RAD51B: variants seen among roughly 807,000 people sequenced by gnomAD.
RAD51B encodes the protein DNA repair protein RAD51 homolog 2.
In RAD51B, 38 loss-of-function variants were observed where a neutral mutation model predicts 42.2. The observed-to-expected ratio is 0.90, with a 90% CI of 0.70 to 1.18. RAD51B has a LOEUF of 1.18. Among genes scored for constraint, RAD51B ranks in the 50% most tolerant of loss-of-function variants. The pLI is 0.00. For synonymous variants in RAD51B, 154 were observed against 145.2 expected (o/e 1.06, Z -0.43); for missense variants, 373 against 400.7 (o/e 0.93, Z 0.59).
At chr14:68,544,171 C>T (rs1888106057) in intron 10 of RAD51B, among the ~76,000 whole-genome samples, 2 of 152,174 alleles carry the variant, frequency 1.3e-5, no homozygotes, top group Admixed American at 1.3e-4. Context: ...GAGATTTACA[C>T]CAAGCCTGCA....
intron 5 of RAD51B, among the ~76,000 whole-genome samples, chr14:67,884,010 A>T (rs2042993369): frequency 6.6e-6 from 1 of 152,244 alleles, no homozygotes; most frequent in African/African-American, 2.4e-5. Flanking sequence ...CTAAACAAAA[A>T]AGATCTTTGC....
At chr14:68,087,693 C>T (rs571662185) in intron 7 of RAD51B, among the ~76,000 whole-genome samples, 61 of 150,652 alleles carry the variant, frequency 4.0e-4, no homozygotes, top group African/African-American at 1.4e-3. Context: ...CCTGGTAATG[C>T]CTAATGTGCA....
rs754711267 is a variant in RAD51B, at chr14:68,468,346, C to G, written c.1036+96C>G. 2.3e-6 allele frequency: 3 copies of G among 1,325,486 alleles called. No individual in the cohort carries two copies. In the African/African-American group the frequency reaches 4.4e-5, roughly 19 times the overall value. The allele number at this position is 1,325,486 out of a possible 1,614,324, so 82.1% of individuals were successfully genotyped here. Reference sequence around the variant, plus strand: ...GCTATGGTTCTGATAGAAGCTAGCTCCAGACAGAATCAAAAACCAAGATGC... The same window carrying G: ...GCTATGGTTCTGATAGAAGCTAGCTGCAGACAGAATCAAAAACCAAGATGC... On this transcript the variant is annotated intron_variant, in intron 10 of 10. Coordinates refer to ENST00000471583, the MANE Select transcript of RAD51B (RefSeq NM_133510.4).
intron 7 of RAD51B, among the ~76,000 whole-genome samples, chr14:68,240,016 G>A (rs1226818962): frequency 6.6e-6 from 1 of 152,194 alleles, no homozygotes; most frequent in Non-Finnish European, 1.5e-5. Context: ...ATCCACGAAG[G>A]CATCAGAGCT....
chr14:68,075,516 A>G (rs1000044922), intron 7 of RAD51B, among the ~76,000 whole-genome samples: 3 of 152,038 alleles, frequency 2.0e-5, no homozygotes, highest in Admixed American at 6.5e-5. Context: ...CAAGGAAGAG[A>G]GACTGGGCTC....
intron 8 of RAD51B, among the ~76,000 whole-genome samples, chr14:68,313,264 C>G (rs2139734991): frequency 6.6e-6 from 1 of 152,218 alleles, no homozygotes; most frequent in Non-Finnish European, 1.5e-5. Context: ...TAACTTGGGC[C>G]CCAAAGAGGG....
At chr14:68,153,343 G>A (rs1853408243) in intron 7 of RAD51B, among the ~76,000 whole-genome samples, 1 of 152,118 alleles carries the variant, frequency 6.6e-6, no homozygotes, top group Non-Finnish European at 1.5e-5. Context: ...ATCCTTTCCA[G>A]TGATCTTTCC....
intron 8 of RAD51B, among the ~76,000 whole-genome samples, chr14:68,380,429 C>T (rs1422183595): frequency 6.6e-6 from 1 of 152,208 alleles, no homozygotes; most frequent in Non-Finnish European, 1.5e-5. Flanking sequence ...AGTGCCCCAG[C>T]AGGCCCCAGA....
At chr14:68,653,677 A>C (rs779002773) in intron 11 of RAD51B, among the ~76,000 whole-genome samples, 1 of 152,226 alleles carries the variant, frequency 6.6e-6, no homozygotes, top group Non-Finnish European at 1.5e-5. Context: ...CCAATTTGAG[A>C]ACCACTGGTC....
chr14:68,582,696 A>T (rs925983830), intron 10 of RAD51B, among the ~76,000 whole-genome samples: 16 of 152,228 alleles, frequency 1.1e-4, no homozygotes, highest in Non-Finnish European at 1.3e-4. Flanking sequence ...ATAAAGACAC[A>T]TGCACACGTA....
At chr14:68,513,448 G>T (rs187229864) in intron 10 of RAD51B, among the ~76,000 whole-genome samples, 1 of 152,358 alleles carries the variant, frequency 6.6e-6, no homozygotes, top group Non-Finnish European at 1.5e-5. Flanking sequence ...ATGGGCCATG[G>T]TGGGCTCTGG....
chr14:68,294,714 C>T (rs2081580457), intron 8 of RAD51B, among the ~76,000 whole-genome samples: 1 of 152,194 alleles, frequency 6.6e-6, no homozygotes, highest in Non-Finnish European at 1.5e-5. Context: ...TTAATTCTGA[C>T]TTACAGAGTA....
chr14:68,506,137 G>A (rs1434429051), intron 10 of RAD51B, among the ~76,000 whole-genome samples: 1 of 152,164 alleles, frequency 6.6e-6, no homozygotes, highest in Non-Finnish European at 1.5e-5. Context: ...TAGAACAGTT[G>A]TAGTAATAAG....
intron 7 of RAD51B, among the ~76,000 whole-genome samples, chr14:68,233,653 A>AAGC (rs1350528174): frequency 4.6e-5 from 7 of 152,218 alleles, no homozygotes; most frequent in African/African-American, 1.7e-4. Flanking sequence ...GGAAACACAG[A>AAGC]AGCAGCAGCA....
At chr14:68,114,237 C>A (rs976254802) in intron 7 of RAD51B, 1 of 152,058 alleles carries the variant, frequency 6.6e-6, no homozygotes, top group Non-Finnish European at 1.5e-5. Flanking sequence ...AACCCTTCAG[C>A]CTCACTGAAC....
At chr14:67,827,496 CG>C (rs1401172877) in intron 3 of RAD51B, among the ~76,000 whole-genome samples, 2 of 151,740 alleles carry the variant, frequency 1.3e-5, no homozygotes, top group African/African-American at 2.4e-5. Context: ...TTGTAAGTTC[CG>C]GGGTACATGT....
intron 7 of RAD51B, among the ~76,000 whole-genome samples, chr14:68,178,908 A>C (rs1194901543): frequency 6.6e-6 from 1 of 152,130 alleles, no homozygotes; most frequent in Non-Finnish European, 1.5e-5. Flanking sequence ...CTGAAGACAG[A>C]ATCCTTTTTT....
At chr14:67,912,572 G>A (rs1483234091) in intron 7 of RAD51B, among the ~76,000 whole-genome samples, 4 of 152,136 alleles carry the variant, frequency 2.6e-5, no homozygotes, top group Non-Finnish European at 5.9e-5. Flanking sequence ...AATGCAAAAT[G>A]TAGTAAAAAT....
At chr14:68,577,519 A>T (rs1402477191) in intron 10 of RAD51B, among the ~76,000 whole-genome samples, 1 of 149,838 alleles carries the variant, frequency 6.7e-6, no homozygotes, top group Non-Finnish European at 1.5e-5. Flanking sequence ...AAAAAAAAAA[A>T]TGGAATCCTA....
Sources: gnomAD v4.1 joint callset for allele counts (sites outside exome capture counted in the v4.1 genomes callset) on GRCh38, gnomAD v4.1.1 for gene constraint, MANE v1.5 for transcripts, NCBI Gene and HGNC (gene_info 2026-07-23, HGNC 2026-07-21) for gene names.